Variants in IL1RAPL2 observed in about 807,000 individuals in gnomAD.
IL1RAPL2 encodes the protein X-linked interleukin-1 receptor accessory protein-like 2.
Under a neutral mutation model 44.1 loss-of-function variants are expected in IL1RAPL2, and 3 were observed. The ratio of observed to expected loss-of-function variants is 0.07; its 90% CI spans 0.03 to 0.18. The LOEUF is 0.18. Ranked by LOEUF, IL1RAPL2 falls within the 10% of genes least tolerant of loss-of-function variation. The pLI, the probability that IL1RAPL2 is intolerant of heterozygous loss-of-function variation, is 1.00. For missense variants in IL1RAPL2, 391 were observed against 496.4 expected (o/e 0.79, Z 2.02); for synonymous variants, 181 against 178.8 (o/e 1.01, Z -0.10).
Position 105,750,278 on chromosome X carries a change from C to CTT in IL1RAPL2, c.1192+1189_1192+1190dup, listed in dbSNP as rs11385087. On this transcript the variant is annotated intron_variant, in intron 9 of 10. Coordinates refer to ENST00000372582, the MANE Select transcript of IL1RAPL2 (RefSeq NM_017416.2). ...TGTTTTTTGTTTTGTTTTGTTTTGT[C>CTT]TTTTTTTTTTTTTTTGAGACAGAGT... 5.6e-3 allele frequency among the ~76,000 whole-genome samples: 471 copies of CTT among 84,480 alleles called. 9 individuals carry two copies. Among genetic ancestry groups the CTT allele is most frequent in the African/African-American group, 0.015 (322 of 22,098 alleles). 73.4% of individuals were successfully genotyped at this position (84,480 alleles called of 115,157 possible).
intron 2 of IL1RAPL2, among the ~76,000 whole-genome samples, chrX:105,033,975 C>A (rs1011091819): frequency 3.6e-5 from 4 of 111,596 alleles, no homozygotes; most frequent in Non-Finnish European, 7.5e-5. Context: ...TCATTCATTT[C>A]ATGTTCCATC....
In IL1RAPL2 at chrX:105,441,118, A is replaced by G. The variant is rs543860522; in HGVS notation, c.698-43195A>G. 1.1e-3 allele frequency among the ~76,000 whole-genome samples: 123 copies of G among 112,118 alleles called. 1 individual carries two copies. In the South Asian group the frequency reaches 0.044, roughly 40 times the overall value. On this transcript the variant is annotated intron_variant, in intron 5 of 10. Coordinates refer to ENST00000372582, the MANE Select transcript of IL1RAPL2 (RefSeq NM_017416.2). ...GTCAATGTTTATTATTAATAACATA[A>G]TTATGGACAACGTAAAGTGCTAGTA... is the stretch of plus-strand genomic sequence containing the variant.
At chrX:105,026,933 G>C (rs1447125592) in intron 2 of IL1RAPL2, among the ~76,000 whole-genome samples, 1 of 110,812 alleles carries the variant, frequency 9.0e-6, no homozygotes, top group Non-Finnish European at 1.9e-5. Flanking sequence ...ATATAACCAA[G>C]CAATAGTAAC....
chrX:105,715,599 G>A (rs1179235376), intron 6 of IL1RAPL2, among the ~76,000 whole-genome samples: 3 of 111,520 alleles, frequency 2.7e-5, no homozygotes, highest in Non-Finnish European at 5.6e-5. Flanking sequence ...AGAGAAAGGA[G>A]TATAAATTGA....
chrX:105,438,243 G>A (rs778029291), intron 5 of IL1RAPL2, among the ~76,000 whole-genome samples: 13 of 111,400 alleles, frequency 1.2e-4, no homozygotes, highest in Non-Finnish European at 2.1e-4. Flanking sequence ...GGTTGATGAC[G>A]TGAGAAATAA....
At chrX:105,700,296 A>G (rs2147538259) in intron 6 of IL1RAPL2, among the ~76,000 whole-genome samples, 1 of 112,003 alleles carries the variant, frequency 8.9e-6, no homozygotes, top group South Asian at 3.7e-4. Flanking sequence ...GAGGCAAAAG[A>G]GGTCTATTTT....
chrX:105,683,823 T>A (rs2037946103), intron 6 of IL1RAPL2, among the ~76,000 whole-genome samples: 1 of 112,342 alleles, frequency 8.9e-6, no homozygotes, highest in South Asian at 3.6e-4. Flanking sequence ...TGAATACACA[T>A]AATACAACTT....
intron 1 of IL1RAPL2, among the ~76,000 whole-genome samples, chrX:104,636,410 C>T (rs149755875): frequency 0.062 from 6,969 of 112,191 alleles, 521 homozygotes; most frequent in African/African-American, 0.22. Context: ...GTTTCTGCTG[C>T]ATTTTGTTTT....
At chrX:104,970,892 C>G (rs976202167) in intron 2 of IL1RAPL2, among the ~76,000 whole-genome samples, 1 of 112,108 alleles carries the variant, frequency 8.9e-6, no homozygotes, top group Non-Finnish European at 1.9e-5. Context: ...AAGGGGCCCA[C>G]AGGCAAGACG....
At chrX:105,623,765 A>T (rs2037435762) in intron 6 of IL1RAPL2, among the ~76,000 whole-genome samples, 1 of 111,640 alleles carries the variant, frequency 9.0e-6, no homozygotes, top group Admixed American at 9.6e-5. Flanking sequence ...AAAATTAGGC[A>T]TGGTGTCATC....
At chrX:105,596,619 A>T (rs2037212025) in intron 6 of IL1RAPL2, among the ~76,000 whole-genome samples, 1 of 111,767 alleles carries the variant, frequency 8.9e-6, no homozygotes, top group Admixed American at 9.6e-5. Context: ...GCTTGAGAAG[A>T]ATGTTCATTC....
At chrX:105,037,885 A>T (rs1006782152) in intron 2 of IL1RAPL2, among the ~76,000 whole-genome samples, 1 of 111,363 alleles carries the variant, frequency 9.0e-6, no homozygotes, top group African/African-American at 3.3e-5. Flanking sequence ...CCTCTAACTG[A>T]CTTTTGAACA....
At chrX:105,218,341 C>G in intron 3 of IL1RAPL2, among the ~76,000 whole-genome samples, 1 of 111,445 alleles carries the variant, frequency 9.0e-6, no homozygotes, top group East Asian at 2.9e-4. Flanking sequence ...ACAGCCAGGG[C>G]CAAGCCTCAG....
At chrX:105,347,556 CCATCATCATCATCAT>C (rs35941963) in intron 5 of IL1RAPL2, among the ~76,000 whole-genome samples, 31 of 100,523 alleles carry the variant, frequency 3.1e-4, no homozygotes, top group East Asian at 2.9e-3. Flanking sequence ...CTCTCTTCCT[CCATCATCATCATCAT>C]CATCATCATC....
intron 2 of IL1RAPL2, among the ~76,000 whole-genome samples, chrX:105,085,524 A>G (rs1474173049): frequency 3.6e-5 from 4 of 112,553 alleles, no homozygotes; most frequent in African/African-American, 1.3e-4. Context: ...TGAAAGATAA[A>G]TGTTGGCAAG....
At chrX:104,948,125 T>C (rs1925445799) in intron 2 of IL1RAPL2, among the ~76,000 whole-genome samples, 1 of 107,299 alleles carries the variant, frequency 9.3e-6, no homozygotes, top group African/African-American at 3.4e-5. Context: ...CTTGAAGAGG[T>C]CCTTCACATC....
At chrX:105,702,178 G>A (rs2038124839) in intron 6 of IL1RAPL2, among the ~76,000 whole-genome samples, 1 of 111,613 alleles carries the variant, frequency 9.0e-6, no homozygotes, top group Admixed American at 9.5e-5. Flanking sequence ...TTCTTTATGA[G>A]CTGGGTGTAT....
chrX:105,513,909 C>T (rs140213395), intron 6 of IL1RAPL2, among the ~76,000 whole-genome samples: 2,710 of 111,011 alleles, frequency 0.024, 82 homozygotes, highest in African/African-American at 0.083. Flanking sequence ...TTAAGTCTTA[C>T]GTTTAAGTCT....
intron 2 of IL1RAPL2, among the ~76,000 whole-genome samples, chrX:105,012,674 C>CACACACACAG (rs1258556672): frequency 1.2e-5 from 1 of 81,270 alleles, no homozygotes; most frequent in African/African-American, 5.9e-5. Context: ...CACACACACA[C>CACACACACAG]AGAGAGAGAG....
Sources: allele counts gnomAD v4.1 joint callset (sites outside exome capture counted in the v4.1 genomes callset), GRCh38; gene constraint gnomAD v4.1.1; transcripts MANE v1.5; gene names NCBI Gene and HGNC (gene_info 2026-07-23, HGNC 2026-07-21).